The following PARP15 variants were observed in gnomAD, a reference collection of about 807,000 sequenced individuals.
PARP15 encodes poly(ADP-ribose) polymerase family member 15, also known as protein mono-ADP-ribosyltransferase PARP15.
A neutral mutation model predicts 62.1 loss-of-function variants in PARP15; 50 were observed. The ratio of observed to expected loss-of-function variants is 0.81; its 90% confidence interval spans 0.64 to 1.02. PARP15 has a LOEUF of 1.02. PARP15 is among the 50% of genes least tolerant of loss of function. PARP15 has a pLI of 0.00. For synonymous variants in PARP15, 309 were observed against 293.1 expected (o/e 1.05, Z -0.55); for missense variants, 820 against 826.5 (o/e 0.99, Z 0.10).
At chr3:122,630,770 T>C (rs1461378346) in intron 9 of PARP15, among the ~76,000 whole-genome samples, 2 of 152,196 alleles carry the variant, frequency 1.3e-5, no homozygotes, top group Non-Finnish European at 2.9e-5. Flanking sequence ...AATAACCCTA[T>C]GTTTACAAAA....
chr3:122,636,050 T>C lies in PARP15; in HGVS notation c.1987T>C (p.Phe663Leu). 6.2e-7 allele frequency: 1 copy of C among 1,614,070 alleles called. No homozygotes were observed. The highest frequency in any genetic ancestry group is 8.5e-7 in the Non-Finnish European group (1 of 1,179,952). The change falls in exon 12 of 12, where the codon TTC becomes CTC. Residue 663 changes from phenylalanine to leucine, a missense_variant. By Grantham distance (22) the Phe-to-Leu change is conservative. Coordinates refer to ENST00000464300, the MANE Select transcript of PARP15 (RefSeq NM_001113523.3). ...ACGATCTCCAAAGCTATTTGTGGTA[T>C]TCTTTGATAATCAGGCTTACCCAGA... Reference protein sequence around the residue: ...NTRSPKLFVVFFDNQAYPEYL... With the variant: ...NTRSPKLFVVLFDNQAYPEYL...
chr3:122,605,890 T>C (rs1460713138), intron 1 of PARP15, 46 bp from the exon 2 acceptor site: 6 of 1,540,800 alleles, frequency 3.9e-6, no homozygotes, highest in Non-Finnish European at 5.3e-6. Flanking sequence ...CTAAGAGAAC[T>C]CTTGAAATTG....
intron 1 of PARP15, among the ~76,000 whole-genome samples, chr3:122,591,019 T>C (rs908863511): frequency 6.6e-6 from 1 of 152,264 alleles, no homozygotes; most frequent in Non-Finnish European, 1.5e-5. Flanking sequence ...TTACAAAATA[T>C]AATGTTTAAC....
At chr3:122,587,845 A>G (rs1173124601) in intron 1 of PARP15, among the ~76,000 whole-genome samples, 2 of 152,050 alleles carry the variant, frequency 1.3e-5, no homozygotes, top group Non-Finnish European at 2.9e-5. Flanking sequence ...TGAATTTGCA[A>G]CTCACTAACA....
chr3:122,621,201 T>C (rs1052140718), intron 7 of PARP15: 8 of 404,822 alleles, frequency 2.0e-5, no homozygotes, highest in South Asian at 9.8e-5. Context: ...ATTGAGCAGA[T>C]TGATGCAGAT....
At chr3:122,630,128 A>G (rs1936978126) in intron 9 of PARP15, among the ~76,000 whole-genome samples, 1 of 152,170 alleles carries the variant, frequency 6.6e-6, no homozygotes, top group East Asian at 1.9e-4. Flanking sequence ...AAACACTTTT[A>G]AAAGGGTAGT....
At chr3:122,593,117 T>TATCTATCTATCTA (rs1934065783) in intron 1 of PARP15, among the ~76,000 whole-genome samples, 1 of 108,278 alleles carries the variant, frequency 9.2e-6, no homozygotes. Context: ...TCTATCTATC[T>TATCTATCTATCTA]ATCTATGTAT....
chr3:122,625,612 A>G (rs968234215), intron 8 of PARP15, among the ~76,000 whole-genome samples: 1 of 152,186 alleles, frequency 6.6e-6, no homozygotes, highest in Non-Finnish European at 1.5e-5. Context: ...GCCCCAAACT[A>G]ATATGACTAA....
rs1014678468 is a variant in PARP15 at position 122,577,970 on chromosome 3, T to C, written c.186+117T>C. The C allele has an allele frequency of 1.6e-5, 18 of 1,136,140 alleles. No homozygotes were observed. The African/African-American group carries it at 2.8e-4, about 18-fold the overall frequency. The allele number at this position is 1,136,140 out of a possible 1,614,324, so 70.4% of individuals were successfully genotyped here. A position where few individuals can be genotyped will look rare whatever the true frequency, so the allele number is the denominator to read the frequency against. ...CCACGCCACGCACAACCCTCTCTTC[T>C]AGGGGGCGCCGACTACACTGACTTC... On this transcript the variant is annotated intron_variant, in intron 1 of 11. Transcript: ENST00000464300.
chr3:122,630,340 G>A (rs573904957), intron 9 of PARP15, among the ~76,000 whole-genome samples: 73 of 152,264 alleles, frequency 4.8e-4, no homozygotes, highest in South Asian at 2.3e-3. Context: ...TGATTTAAAT[G>A]TCTTTCCCCT....
intron 1 of PARP15, among the ~76,000 whole-genome samples, chr3:122,593,198 G>T (rs1934081270): frequency 6.6e-6 from 1 of 151,604 alleles, no homozygotes; most frequent in Admixed American, 6.6e-5. Context: ...GAGTGCAGTG[G>T]CGCAATCTCA....
At chr3:122,589,728 T>A (rs920537961) in intron 1 of PARP15, among the ~76,000 whole-genome samples, 18 of 152,198 alleles carry the variant, frequency 1.2e-4, no homozygotes, top group African/African-American at 2.9e-4. Context: ...TTGGATTTTT[T>A]AAAAATTGTT....
intron 1 of PARP15, among the ~76,000 whole-genome samples, chr3:122,589,428 A>G (rs1933697013): frequency 6.6e-6 from 1 of 152,156 alleles, no homozygotes; most frequent in East Asian, 1.9e-4. Flanking sequence ...GTATGTTTTC[A>G]CGCCTCTTGG....
At position 122,577,682 on chromosome 3, in the gene PARP15, C is replaced by T; in HGVS notation, c.15C>T (p.Gly5=). MAAP[G]PLPAAALSPG... ...GCGAGCTGAGGATGGCTGCGCCAGGCCCCCTTCCTGCCGCTGCTCTGAGTC... is the reference window on the plus strand; with the variant it reads ...GCGAGCTGAGGATGGCTGCGCCAGGTCCCCTTCCTGCCGCTGCTCTGAGTC... The change falls in exon 1 of 12, where the codon GGC becomes GGT. Residue 5 remains glycine (G), a synonymous_variant. Coordinates refer to ENST00000464300, the MANE Select transcript of PARP15 (RefSeq NM_001113523.3). 2 of 1,551,520 alleles carry T rather than the reference C, an allele frequency of 1.3e-6. No individual in the cohort carries two copies. The highest frequency in any genetic ancestry group is 1.2e-5 in the South Asian group (1 of 84,056).
At chr3:122,632,002 A>C in intron 9 of PARP15, 84 bp from the exon 10 acceptor site, 3 of 1,491,870 alleles carry the variant, frequency 2.0e-6, no homozygotes, top group Non-Finnish European at 2.8e-6. Flanking sequence ...TTGGATGACG[A>C]GAGACAAGTG....
At chr3:122,580,786 G>A (rs1357680062) in intron 1 of PARP15, among the ~76,000 whole-genome samples, 1 of 152,052 alleles carries the variant, frequency 6.6e-6, no homozygotes, top group East Asian at 1.9e-4. Context: ...CCACCTTTTG[G>A]CTATTGTGAC....
Position 122,636,138 on chromosome 3 carries a change from T to C in PARP15, c.*38T>C, listed in dbSNP as rs1206566778. The C allele has an allele frequency of 1.3e-6, 2 of 1,559,450 alleles. No individual in the cohort carries two copies. ...CATCAAAGAGATGATTTAAGTCATC[T>C]GTAAGAACAACATGCAATCTTTGTC... On this transcript the variant is annotated 3_prime_UTR_variant, in exon 12 of 12. Transcript: ENST00000464300.
Position 122,617,145 on chromosome 3 carries a change from GACATTTAATCGGAAATCAGGT to G in PARP15, c.984_1000+4del. The G allele has an allele frequency of 6.2e-7, 1 of 1,612,820 alleles. No individual in the cohort carries two copies. Among genetic ancestry groups the G allele is most frequent in the Non-Finnish European group, 8.5e-7 (1 of 1,179,240 alleles). ...ATGTTATTGTAAACTCAACAGCAAG[GACATTTAATCGGAAATCAGGT>G]ACTTTATTTAAGCAATATATTGTAA... On this transcript the variant is annotated splice_donor_variant and coding_sequence_variant, in exon 6 of 12. Transcript: ENST00000464300. LOFTEE classifies it high-confidence loss of function.
chr3:122,615,534 A>AGGGGTG, intron 4 of PARP15: 1 of 1,117,262 alleles, frequency 9.0e-7, no homozygotes, highest in Non-Finnish European at 1.2e-6. Context: ...CACAGTCAGC[A>AGGGGTG]CCCCTGCTGA....
Sources: gnomAD v4.1 joint callset for allele counts (sites outside exome capture counted in the v4.1 genomes callset) on GRCh38, gnomAD v4.1.1 for gene constraint, MANE v1.5 for transcripts, NCBI Gene and HGNC (gene_info 2026-07-23, HGNC 2026-07-21) for gene names.